The following FAM107A variants were observed in gnomAD, a reference collection of about 807,000 sequenced individuals.
The protein encoded by FAM107A is family with sequence similarity 107 member A.
In FAM107A, 19 loss-of-function variants were observed where a neutral mutation model predicts 13.7. That is an observed-to-expected ratio of 1.38 (90% confidence interval 0.97 to 2.03). FAM107A has a LOEUF of 2.03. FAM107A is among the 30% of genes most tolerant of loss of function. The probability of loss-of-function intolerance (pLI) is 0.00; values close to 1 mark genes in which losing one functional copy is unlikely to be tolerated. For synonymous variants in FAM107A, 82 were observed against 74.5 expected, an observed-to-expected ratio of 1.10 and a Z score of -0.52; for missense variants, 203 against 184.4, an observed-to-expected ratio of 1.10 and a Z score of -0.58.
intron 1 of FAM107A, among the ~76,000 whole-genome samples, chr3:58,583,393 C>T (rs879550570): frequency 1.6e-4 from 25 of 152,062 alleles, no homozygotes; most frequent in Non-Finnish European, 2.2e-4. Context: ...GAGGCCAAGG[C>T]GGGTGGATGA....
intron 2 of FAM107A, among the ~76,000 whole-genome samples, chr3:58,568,692 A>G (rs923632721): frequency 6.6e-6 from 1 of 152,324 alleles, no homozygotes; most frequent in Admixed American, 6.5e-5. Context: ...AACTGTTAGG[A>G]TATTGGTCAC....
intron 1 of FAM107A, among the ~76,000 whole-genome samples, chr3:58,595,201 A>G (rs1438165253): frequency 6.6e-6 from 1 of 151,368 alleles, no homozygotes; most frequent in Non-Finnish European, 1.5e-5. Context: ...ACCCCCAAAA[A>G]TTTTCACCGC....
chr3:58,579,141 A>G (rs1316936153), upstream of FAM107A, among the ~76,000 whole-genome samples: 1 of 152,110 alleles, frequency 6.6e-6, no homozygotes, highest in Non-Finnish European at 1.5e-5. Flanking sequence ...GCAGAATCAC[A>G]AGGAGTCAGT....
rs1238669783 is a variant in FAM107A, at chr3:58,604,608, G to A, written c.-69-15339C>T. 6.6e-6 allele frequency among the ~76,000 whole-genome samples: 1 copy of A among 152,126 alleles called. No homozygotes were observed. The highest frequency in any genetic ancestry group is 6.5e-5 in the Admixed American group (1 of 15,272). ...AATCAGCGGGACCTCAGGATGTGTGGACTGAATGCACTTTCCTTTATTAAT... is the reference window on the plus strand; with the variant it reads ...AATCAGCGGGACCTCAGGATGTGTGAACTGAATGCACTTTCCTTTATTAAT... On this transcript the variant is annotated intron_variant, in intron 1 of 3. Coordinates refer to the FAM107A transcript ENST00000465970. This position sits in a 1 kb window ranked among gnomAD's most constrained non-coding sequence, Gnocchi z 4.1.
intron 1 of FAM107A, among the ~76,000 whole-genome samples, chr3:58,618,304 A>G (rs1481216658): frequency 6.6e-6 from 1 of 152,234 alleles, no homozygotes; most frequent in African/African-American, 2.4e-5. Context: ...AAAACTACCC[A>G]TGCCAGGCTG....
intron 2 of FAM107A, among the ~76,000 whole-genome samples, chr3:58,568,370 G>A (rs2063644490): frequency 6.6e-6 from 1 of 151,974 alleles, no homozygotes; most frequent in Admixed American, 6.6e-5. Flanking sequence ...GGGAGGTGGA[G>A]CTTGCAGTGA....
Position 58,622,278 on chromosome 3 carries a change from A to C in FAM107A, c.-70+5138T>G, listed in dbSNP as rs556571184. 1.7e-4 allele frequency among the ~76,000 whole-genome samples: 26 copies of C among 150,430 alleles called. No individual in the cohort carries two copies. In the South Asian group the frequency reaches 5.0e-3, roughly 29 times the overall value. On this transcript the variant is annotated intron_variant, in intron 1 of 3. Transcript: ENST00000465970. ...ACATGACAAAACCCCATCTCTACTAAAAATACAAAAAAATTAGCTGGGCGT... is the reference window on the plus strand; with the variant it reads ...ACATGACAAAACCCCATCTCTACTACAAATACAAAAAAATTAGCTGGGCGT...
chr3:58,587,075 G>A (rs2065615077), exon 1 of FAM107A: 16 of 1,363,756 alleles, frequency 1.2e-5, no homozygotes, highest in Non-Finnish European at 1.4e-5. Flanking sequence ...AGTTACGGCG[G>A]CGGCCGGAGG....
At chr3:58,593,642 C>T (rs1002441616) in intron 1 of FAM107A, among the ~76,000 whole-genome samples, 1 of 151,924 alleles carries the variant, frequency 6.6e-6, no homozygotes, top group Admixed American at 6.6e-5. Context: ...CGCTCCCTAC[C>T]CTTCCCTAAT....
chr3:58,576,144 C>G (rs1867425), intron 1 of FAM107A, among the ~76,000 whole-genome samples: 149,529 of 152,312 alleles, frequency 0.98, 73,476 homozygotes, highest in East Asian at 1. Flanking sequence ...CAGTGTATCT[C>G]GGAGCCACCT....
intron 1 of FAM107A, among the ~76,000 whole-genome samples, chr3:58,610,869 A>G (rs2065847539): frequency 1.3e-5 from 2 of 152,212 alleles, no homozygotes; most frequent in Non-Finnish European, 2.9e-5. Context: ...TGCTGCAGAC[A>G]TAAGCCCTGA....
chr3:58,611,337 A>G (rs554904039), intron 1 of FAM107A, among the ~76,000 whole-genome samples: 1 of 152,352 alleles, frequency 6.6e-6, no homozygotes, highest in African/African-American at 2.4e-5. Context: ...GATCAGCAGA[A>G]TCTTGACAAC....
upstream of FAM107A, among the ~76,000 whole-genome samples, chr3:58,590,056 A>G (rs899476362): frequency 6.6e-5 from 10 of 152,174 alleles, no homozygotes; most frequent in African/African-American, 2.4e-4. Flanking sequence ...TTTAAAGAGA[A>G]CTCTAAGCCA....
exon 1 of FAM107A, chr3:58,587,091 G>T (rs887133920): frequency 1.7e-5 from 23 of 1,369,938 alleles, no homozygotes; most frequent in Admixed American, 3.6e-5. Context: ...GGAGGGGCGG[G>T]CGAGGAGACG....
intron 1 of FAM107A, among the ~76,000 whole-genome samples, chr3:58,571,901 C>T (rs938248237): frequency 6.6e-6 from 1 of 152,164 alleles, no homozygotes; most frequent in African/African-American, 2.4e-5. Flanking sequence ...TTTTCATCAG[C>T]CACACCATCC....
intron 1 of FAM107A, among the ~76,000 whole-genome samples, chr3:58,586,177 A>T (rs1030949603): frequency 8.1e-6 from 1 of 123,692 alleles, no homozygotes; most frequent in Non-Finnish European, 1.8e-5. Context: ...ATTGCCTGCT[A>T]CTCGAGTCGT....
chr3:58,593,158 T>A lies in FAM107A; in HGVS notation c.-69-3889A>T, dbSNP rs140858558. On this transcript the variant is annotated intron_variant, in intron 1 of 3. Coordinates refer to the FAM107A transcript ENST00000465970. ...TGTGTCCATTGGACAGCCAGCCTGA[T>A]CTCTCCTCTTCCTCCTGGAAGTCGC... 9.7e-3 allele frequency among the ~76,000 whole-genome samples: 1,477 copies of A among 152,260 alleles called. 29 individuals carry two copies. Among genetic ancestry groups the A allele is most frequent in the African/African-American group, 0.034 (1,396 of 41,526 alleles).
chr3:58,606,549 T>C (rs759409155), intron 1 of FAM107A, among the ~76,000 whole-genome samples: 2 of 152,248 alleles, frequency 1.3e-5, no homozygotes, highest in African/African-American at 2.4e-5. Context: ...GGGAATGCTA[T>C]AGTCTGTAGC....
intron 1 of FAM107A, among the ~76,000 whole-genome samples, chr3:58,593,880 G>A (rs1438200760): frequency 6.6e-6 from 1 of 151,944 alleles, no homozygotes; most frequent in East Asian, 1.9e-4. Flanking sequence ...GGATGGATTT[G>A]TTGAGAACTG....
Sources: gnomAD v4.1 joint callset for allele counts (sites outside exome capture counted in the v4.1 genomes callset) on GRCh38, gnomAD v4.1.1 for gene constraint, Gnocchi (gnomAD v3.1) non-coding constraint, MANE v1.5 for transcripts, NCBI Gene and HGNC (gene_info 2026-07-23, HGNC 2026-07-21) for gene names.